BBX: variants seen among roughly 807,000 people sequenced by gnomAD.
BBX encodes the protein BBX high mobility group box domain containing.
BBX carries 30 observed loss-of-function variants against 100.2 expected under a neutral mutation model. That is an observed-to-expected ratio of 0.30 (90% CI 0.22 to 0.41). The LOEUF is 0.41. Ranked by LOEUF, BBX falls within the 10% of genes least tolerant of loss-of-function variation. The probability of loss-of-function intolerance (pLI) is 1.00; values close to 1 mark genes in which losing one functional copy is unlikely to be tolerated. For synonymous variants in BBX, 376 were observed against 388.1 expected, an observed-to-expected ratio of 0.97 and a Z score of 0.37; for missense variants, 1,023 against 1,129.8, an observed-to-expected ratio of 0.91 and a Z score of 1.35.
chr3:107,693,431 C>A (rs1576364958), intron 3 of BBX, among the ~76,000 whole-genome samples: 1 of 151,444 alleles, frequency 6.6e-6, no homozygotes, highest in African/African-American at 2.4e-5. Context: ...AGCCAGTTTT[C>A]CCAGCACCAT....
At chr3:107,670,221 AAG>A in intron 3 of BBX, among the ~76,000 whole-genome samples, 1 of 152,270 alleles carries the variant, frequency 6.6e-6, no homozygotes, top group Non-Finnish European at 1.5e-5. Context: ...AACATACAGT[AAG>A]AGAATACATT....
chr3:107,744,564 G>A (rs1003560745), intron 7 of BBX, 66 bp from the exon 8 acceptor site: 28 of 1,180,272 alleles, frequency 2.4e-5, no homozygotes, highest in Non-Finnish European at 3.3e-5. Flanking sequence ...TGAAGATAGA[G>A]CATTAAATGT....
chr3:107,797,303 G>GT (rs964256297), intron 15 of BBX, among the ~76,000 whole-genome samples: 22 of 101,726 alleles, frequency 2.2e-4, no homozygotes, highest in Admixed American at 9.3e-4. Context: ...TCTTGCTCTA[G>GT]TTTTTTTTTC....
rs186936717 is a variant in BBX, at chr3:107,585,069, G to A, written c.-84+58671G>A. Among the ~76,000 whole-genome samples the A allele has an allele frequency of 8.1e-4, 124 of 152,262 alleles. 1 individual carries two copies. Among genetic ancestry groups the A allele is most frequent in the Admixed American group, 6.5e-3 (100 of 15,296 alleles). On this transcript the variant is annotated intron_variant, in intron 2 of 17. Coordinates refer to ENST00000325805, the MANE Select transcript of BBX (RefSeq NM_001142568.3). ...GCTTGGAGATCCAGTTCAGTGGCAT[G>A]AACCATACTGGGGCTGAGAACTGGC...
chr3:107,656,871 C>G (rs2058175971), intron 3 of BBX, among the ~76,000 whole-genome samples: 1 of 151,996 alleles, frequency 6.6e-6, no homozygotes, highest in Non-Finnish European at 1.5e-5. Context: ...GACCTTAAAC[C>G]CCACTTAAGG....
intron 5 of BBX, among the ~76,000 whole-genome samples, chr3:107,722,372 A>G (rs2062607023): frequency 1.3e-5 from 2 of 151,970 alleles, no homozygotes; most frequent in Admixed American, 1.3e-4. Context: ...AAAAGTAGTA[A>G]AATTATATTT....
At chr3:107,739,085 C>A (rs2063872694) in intron 7 of BBX, among the ~76,000 whole-genome samples, 1 of 152,114 alleles carries the variant, frequency 6.6e-6, no homozygotes, top group Non-Finnish European at 1.5e-5. Context: ...GAGTTTTTAA[C>A]AATTTTAAAC....
At chr3:107,524,336 CG>C (rs2047584827) in intron 1 of BBX, 1 of 152,150 alleles carries the variant, frequency 6.6e-6, no homozygotes, top group African/African-American at 2.4e-5. Context: ...CGATCCGGGT[CG>C]CTAGTAAATT....
chr3:107,724,405 A>G (rs2062766756), intron 5 of BBX, among the ~76,000 whole-genome samples: 1 of 151,760 alleles, frequency 6.6e-6, no homozygotes. Context: ...GAAGCTCTTT[A>G]GTTTAATTAG....
intron 2 of BBX, among the ~76,000 whole-genome samples, chr3:107,623,364 C>G (rs916052378): frequency 6.6e-6 from 1 of 152,158 alleles, no homozygotes; most frequent in Non-Finnish European, 1.5e-5. Flanking sequence ...CTTCTTTCTA[C>G]CTCCACAGAA....
chr3:107,645,532 T>G (rs542527697), intron 2 of BBX, among the ~76,000 whole-genome samples: 6 of 152,318 alleles, frequency 3.9e-5, no homozygotes, highest in African/African-American at 1.2e-4. Flanking sequence ...AATTCTACAC[T>G]TAATTATAGC....
At chr3:107,551,287 C>T (rs997406497) in intron 2 of BBX, among the ~76,000 whole-genome samples, 1 of 152,112 alleles carries the variant, frequency 6.6e-6, no homozygotes, top group African/African-American at 2.4e-5. Context: ...GCTGCATCTT[C>T]GATTACTAAT....
chr3:107,786,968 G>A (rs781715098), intron 13 of BBX, among the ~76,000 whole-genome samples: 1 of 152,056 alleles, frequency 6.6e-6, no homozygotes, highest in African/African-American at 2.4e-5. Context: ...ATAAAAACGG[G>A]CAAGTGATCT....
intron 15 of BBX, among the ~76,000 whole-genome samples, chr3:107,797,364 A>ATATATATATATATATATATATG (rs71113691): frequency 0.01 from 1,106 of 109,596 alleles, 87 homozygotes; most frequent in Admixed American, 0.016. Flanking sequence ...ATATATATAT[A>ATATATATATATATATATATATG]GCTTTATTGC....
In BBX at chr3:107,748,066, G is replaced by A. The variant is rs528606882; in HGVS notation, c.825+27G>A. ...TATGGCCTTTTTAAAATGCTTTTTA[G>A]GCTAAGAAAACTTGTTGAGCTCAGG... On this transcript the variant is annotated intron_variant, in intron 9 of 17. Coordinates refer to ENST00000325805, the MANE Select transcript of BBX (RefSeq NM_001142568.3). The A allele has an allele frequency of 3.8e-6, 6 of 1,591,784 alleles. No individual in the cohort carries two copies. In the South Asian group the frequency reaches 6.8e-5, roughly 18 times the overall value.
chr3:107,536,464 A>G (rs2107335041), intron 2 of BBX, among the ~76,000 whole-genome samples: 1 of 152,224 alleles, frequency 6.6e-6, no homozygotes, highest in African/African-American at 2.4e-5. Context: ...GATCTTACTA[A>G]GAGTGTGCTC....
At chr3:107,569,080 G>A (rs2051148886) in intron 2 of BBX, among the ~76,000 whole-genome samples, 1 of 152,176 alleles carries the variant, frequency 6.6e-6, no homozygotes, top group East Asian at 1.9e-4. Flanking sequence ...TCCCATAATT[G>A]TAATAATATT....
chr3:107,621,311 G>C (rs552732088), intron 2 of BBX, among the ~76,000 whole-genome samples: 1 of 152,106 alleles, frequency 6.6e-6, no homozygotes, highest in South Asian at 2.1e-4. Flanking sequence ...TCCAGGAAAC[G>C]TACCACTGTG....
chr3:107,724,905 C>A lies in BBX; in HGVS notation c.406-3860C>A, dbSNP rs529751140. ...TGGCAATGCGGGTTCCTTTTTGGTG[C>A]CATATGAACTTTAAAGTAGTTTTTT... On this transcript the variant is annotated intron_variant, in intron 5 of 17. Coordinates refer to ENST00000325805, the MANE Select transcript of BBX (RefSeq NM_001142568.3). Among the ~76,000 whole-genome samples, 12 of 152,138 alleles carry A rather than the reference C, an allele frequency of 7.9e-5. No individual in the cohort carries two copies. The East Asian group carries it at 2.3e-3, about 29-fold the overall frequency.
Sources: gnomAD v4.1 joint callset for allele counts (sites outside exome capture counted in the v4.1 genomes callset) on GRCh38, gnomAD v4.1.1 for gene constraint, MANE v1.5 for transcripts, NCBI Gene and HGNC (gene_info 2026-07-23, HGNC 2026-07-21) for gene names.